TARS1: variants seen among roughly 807,000 people sequenced by gnomAD.
TARS1 encodes threonine--tRNA ligase 1, cytoplasmic.
Under a neutral mutation model 97.7 loss-of-function variants are expected in TARS1, and 57 were observed. The observed-to-expected ratio is 0.58, with a 90% CI of 0.47 to 0.73. The LOEUF (loss-of-function observed/expected upper bound fraction) is 0.73. Ranked by LOEUF, TARS1 falls within the 30% of genes least tolerant of loss-of-function variation. TARS1 has a pLI of 0.00. For synonymous variants in TARS1, 312 were observed against 293.7 expected, an observed-to-expected ratio of 1.06 and a Z score of -0.64; for missense variants, 806 against 888.3, an observed-to-expected ratio of 0.91 and a Z score of 1.18.
At chr5:33,442,379 T>C (rs1741152825) in intron 1 of TARS1, among the ~76,000 whole-genome samples, 1 of 141,712 alleles carries the variant, frequency 7.1e-6, no homozygotes, top group Admixed American at 7.2e-5. Flanking sequence ...TCCATGTCCA[T>C]AAATATTCTC....
chr5:33,444,534 T>C (rs555275398), intron 1 of TARS1, among the ~76,000 whole-genome samples: 1 of 152,400 alleles, frequency 6.6e-6, no homozygotes, highest in South Asian at 2.1e-4. Context: ...TTGCTTCTAA[T>C]TGAAGTCTGT....
In TARS1 at chr5:33,462,222, T is replaced by G; in HGVS notation, c.1835+19T>G. ...GCAAATGGTAATTTTTGTCACTGTC[T>G]TTTTTTTCTGATTAGTATAAATTGG... On this transcript the variant is annotated intron_variant, in intron 16 of 18. Transcript: ENST00000265112. The G allele has an allele frequency of 1.3e-6, 2 of 1,589,852 alleles. No individual in the cohort carries two copies. Among genetic ancestry groups the G allele is most frequent in the Non-Finnish European group, 1.7e-6 (2 of 1,162,478 alleles).
intron 1 of TARS1, chr5:33,441,812 T>G (rs1424068981): frequency 6.6e-6 from 1 of 152,254 alleles, no homozygotes; most frequent in African/African-American, 2.4e-5. Flanking sequence ...GAATTTAGTT[T>G]GGAAGAATGA....
intron 4 of TARS1, among the ~76,000 whole-genome samples, chr5:33,453,701 T>C (rs1198041535): frequency 6.6e-6 from 1 of 152,098 alleles, no homozygotes; most frequent in African/African-American, 2.4e-5. Context: ...TTTTCTAAAC[T>C]GTGAACACTA....
intron 13 of TARS1, 68 bp downstream of exon 13, chr5:33,461,363 G>A (rs1742284073): frequency 2.6e-6 from 4 of 1,546,750 alleles, no homozygotes; most frequent in Non-Finnish European, 2.6e-6. Flanking sequence ...ATGTAAGAAA[G>A]CCAAGCCTCT....
intron 5 of TARS1, 46 bp downstream of exon 5, chr5:33,455,112 A>G (rs2111966159): frequency 6.2e-7 from 1 of 1,606,694 alleles, no homozygotes; most frequent in Non-Finnish European, 8.5e-7. Flanking sequence ...ATGACTATGG[A>G]TCCATAAGTT....
intron 3 of TARS1, chr5:33,452,425 T>G (rs1282393375): frequency 3.4e-5 from 52 of 1,535,280 alleles, no homozygotes; most frequent in Non-Finnish European, 4.5e-5. Flanking sequence ...TGCCATGGCC[T>G]CCTCTTTTCT....
chr5:33,463,205 G>A (rs1242984518), intron 16 of TARS1, among the ~76,000 whole-genome samples: 2 of 152,290 alleles, frequency 1.3e-5, no homozygotes, highest in African/African-American at 4.8e-5. Context: ...AGAAGCATTT[G>A]ACACTTGTAT....
At chr5:33,462,350 G>C in intron 16 of TARS1, 147 bp downstream of exon 16, 1 of 715,574 alleles carries the variant, frequency 1.4e-6, no homozygotes, top group Non-Finnish European at 2.3e-6. Context: ...AAAAAATAAG[G>C]AATCACAATC....
At position 33,449,316 on chromosome 5, in the gene TARS1, TGTATATATATACGC is replaced by T. The variant is rs369862857; in HGVS notation, c.329+595_329+608del. ...TAAGAGTTGGTAAAACATATATATGTGTATATATATACGCGTATATATACACGTGTATATATATA... is the reference window on the plus strand; with the variant it reads ...TAAGAGTTGGTAAAACATATATATGTGTATATATACACGTGTATATATATA... On this transcript the variant is annotated intron_variant, in intron 3 of 18. Coordinates refer to ENST00000265112, the MANE Select transcript of TARS1 (RefSeq NM_152295.5). Among the ~76,000 whole-genome samples the T allele has an allele frequency of 2.0e-3, 287 of 142,738 alleles. 1 individual carries two copies. The highest frequency in any genetic ancestry group is 3.5e-3 in the Middle Eastern group (1 of 286). The allele number at this position is 142,738 out of a possible 152,430, so 93.6% of individuals were successfully genotyped here. A position where few individuals can be genotyped will look rare whatever the true frequency, so the allele number is the denominator to read the frequency against.
intron 9 of TARS1, 144 bp downstream of exon 9, chr5:33,457,547 A>G (rs532689006): frequency 2.5e-6 from 2 of 804,454 alleles, no homozygotes; most frequent in African/African-American, 1.8e-5. Flanking sequence ...TCCTGTACAA[A>G]CTATAAACAC....
rs1177897560 is a variant in TARS1, at chr5:33,466,935, T to A, written c.1973T>A (p.Leu658Ter). 6.2e-7 allele frequency: 1 copy of A among 1,605,748 alleles called. No homozygotes were observed. Among genetic ancestry groups the A allele is most frequent in the Non-Finnish European group, 8.5e-7 (1 of 1,176,336 alleles). ...ADIDLDPGCT[L>*]NKKIRNAQLA... ...ATTGATCTGGATCCAGGCTGTACAT[T>A]GAATAAAAAGATTCGAAATGCACAG... Residue 658 changes from leucine (L) to a stop codon, truncating the protein, a stop_gained, in exon 18 of 19, where the codon TTG becomes TAG. Coordinates refer to ENST00000265112, the MANE Select transcript of TARS1 (RefSeq NM_152295.5). LOFTEE classifies it high-confidence loss of function.
At chr5:33,449,537 G>C (rs1183571377) in intron 3 of TARS1, among the ~76,000 whole-genome samples, 7 of 136,058 alleles carry the variant, frequency 5.1e-5, no homozygotes, top group African/African-American at 1.1e-4. Flanking sequence ...CTCACTGCAA[G>C]CTCCACCTCC....
intron 1 of TARS1, 90 bp downstream of exon 1, chr5:33,441,233 A>AGGAAGCG: frequency 6.5e-7 from 1 of 1,544,922 alleles, no homozygotes; most frequent in Non-Finnish European, 8.9e-7. Context: ...GGCAGGAAGC[A>AGGAAGCG]GGAAGCGGCC....
At chr5:33,463,347 G>C (rs1742383348) in intron 16 of TARS1, among the ~76,000 whole-genome samples, 2 of 152,208 alleles carry the variant, frequency 1.3e-5, no homozygotes, top group Admixed American at 6.5e-5. Context: ...TGAGTAAACT[G>C]AGGGCACTGT....
chr5:33,455,077 A>C lies in TARS1; in HGVS notation c.575+11A>C. ...GTACCTCGAAGAAGGGTAAGCCATC[A>C]ACTAGATAAAGAAAACTGAAGTCAA... On this transcript the variant is annotated intron_variant, in intron 5 of 18. Coordinates refer to ENST00000265112, the MANE Select transcript of TARS1 (RefSeq NM_152295.5). 1 of 1,612,994 alleles carries C rather than the reference A, an allele frequency of 6.2e-7. No homozygotes were observed. The highest frequency in any genetic ancestry group is 8.5e-7 in the Non-Finnish European group (1 of 1,179,488).
At position 33,448,571 on chromosome 5, in the gene TARS1, C is replaced by T. The variant is rs1741538754; in HGVS notation, c.169C>T (p.Arg57Cys). 3.7e-6 allele frequency: 6 copies of T among 1,606,970 alleles called. No homozygotes were observed. The highest frequency in any genetic ancestry group is 1.7e-4 in the Middle Eastern group (1 of 6,048). ...LNPWPEYIYT[R>C]LEMYNILKAE... ...TCCTTGGCCTGAATATATTTACACACGTCTTGAGATGTATAATATACTAAA... is the reference window on the plus strand; with the variant it reads ...TCCTTGGCCTGAATATATTTACACATGTCTTGAGATGTATAATATACTAAA... The change falls in exon 3 of 19, where the codon CGT becomes TGT. Residue 57 changes from arginine (R) to cysteine (C), a missense_variant. This residue lies in a region of TARS1 where 356 missense variants were observed against 357.8 expected (regional missense o/e 0.99). Coordinates refer to ENST00000265112, the MANE Select transcript of TARS1 (RefSeq NM_152295.5).
rs541186218 is a variant in TARS1 at position 33,452,573 on chromosome 5, G to A, written c.330-716G>A. ...TTGATGATACTTTATGTTCGATGTT[G>A]TATATTGGGTGTGTAATGTTTTTAC... On this transcript the variant is annotated intron_variant, in intron 3 of 18. Coordinates refer to ENST00000265112, the MANE Select transcript of TARS1 (RefSeq NM_152295.5). 6.1e-6 allele frequency: 4 copies of A among 654,344 alleles called. No individual in the cohort carries two copies. In the South Asian group the frequency reaches 7.9e-5, roughly 13 times the overall value. 40.5% of individuals were successfully genotyped at this position (654,344 alleles called of 1,614,324 possible).
intron 5 of TARS1, 106 bp downstream of exon 5, chr5:33,455,172 C>T: frequency 7.2e-7 from 1 of 1,394,970 alleles, no homozygotes. Flanking sequence ...CTCACTGCTT[C>T]TTCATCAGGT....
Sources: gnomAD v4.1 joint callset for allele counts (sites outside exome capture counted in the v4.1 genomes callset) on GRCh38, gnomAD v4.1.1 for gene constraint, gnomAD v4.1.1 regional missense constraint, MANE v1.5 for transcripts, NCBI Gene and HGNC (gene_info 2026-07-23, HGNC 2026-07-21) for gene names.